The following CNTNAP2 variants were observed in gnomAD, a reference collection of about 807,000 sequenced individuals.
CNTNAP2 encodes contactin associated protein 2.
Under a neutral mutation model 155.2 loss-of-function variants are expected in CNTNAP2, and 98 were observed. The ratio of observed to expected loss-of-function variants is 0.63; its 90% confidence interval spans 0.54 to 0.75. The LOEUF is 0.75. Ranked by LOEUF, CNTNAP2 falls within the 30% of genes least tolerant of loss-of-function variation. CNTNAP2 has a pLI of 0.00. For synonymous variants in CNTNAP2, 651 were observed against 631.2 expected (o/e 1.03, Z -0.47); for missense variants, 1,727 against 1,688.1 (o/e 1.02, Z -0.40).
intron 1 of CNTNAP2, among the ~76,000 whole-genome samples, chr7:146,235,368 G>C (rs1426396613): frequency 6.6e-6 from 1 of 151,962 alleles, no homozygotes; most frequent in African/African-American, 2.4e-5. Context: ...CACGGTGGCT[G>C]TTTATTCAGA....
At chr7:147,510,946 C>A (rs1027634827) in intron 11 of CNTNAP2, among the ~76,000 whole-genome samples, 4 of 147,102 alleles carry the variant, frequency 2.7e-5, no homozygotes, top group South Asian at 4.3e-4. Flanking sequence ...TCCAACAGTT[C>A]TATGTCTATA....
At chr7:146,981,359 A>G (rs1469126490) in intron 3 of CNTNAP2, among the ~76,000 whole-genome samples, 1 of 152,230 alleles carries the variant, frequency 6.6e-6, no homozygotes, top group Admixed American at 6.5e-5. Flanking sequence ...GAAAACAAGT[A>G]CATGTGTATT....
chr7:147,207,293 A>G (rs963359196), intron 8 of CNTNAP2, among the ~76,000 whole-genome samples: 2 of 152,200 alleles, frequency 1.3e-5, no homozygotes, highest in African/African-American at 2.4e-5. Context: ...TTAAATGCCA[A>G]TACTCTTCAG....
intron 15 of CNTNAP2, among the ~76,000 whole-genome samples, chr7:148,070,211 A>G (rs1803354639): frequency 6.6e-6 from 1 of 152,252 alleles, no homozygotes; most frequent in Non-Finnish European, 1.5e-5. Flanking sequence ...AAATGTAAAT[A>G]CAACAAATAC....
In CNTNAP2 at chr7:148,135,227, T is replaced by C. The variant is rs74627485; in HGVS notation, c.2555-12264T>C. On this transcript the variant is annotated intron_variant, in intron 16 of 23. Coordinates refer to ENST00000361727, the MANE Select transcript of CNTNAP2 (RefSeq NM_014141.6). ...TGGCTGGTCGGATGTTTATCTGGGA[T>C]CTTCTGAGGTTTGTTATATTACCAT... Among the ~76,000 whole-genome samples the C allele has an allele frequency of 4.7e-4, 72 of 152,290 alleles. No homozygotes were observed. The East Asian group carries it at 8.3e-3, about 18-fold the overall frequency.
intron 13 of CNTNAP2, among the ~76,000 whole-genome samples, chr7:147,795,183 C>T (rs1176221317): frequency 6.6e-6 from 1 of 151,816 alleles, no homozygotes; most frequent in South Asian, 2.1e-4. Flanking sequence ...GTTTGCATGA[C>T]ATGTGTTTTT....
At chr7:146,158,235 T>A (rs1798159146) in intron 1 of CNTNAP2, among the ~76,000 whole-genome samples, 1 of 152,134 alleles carries the variant, frequency 6.6e-6, no homozygotes, top group African/African-American at 2.4e-5. Flanking sequence ...CCTATCTGTA[T>A]GTCACCATCA....
At chr7:147,449,364 G>C (rs79498723) in intron 10 of CNTNAP2, among the ~76,000 whole-genome samples, 2,785 of 151,918 alleles carry the variant, frequency 0.018, 98 homozygotes, top group African/African-American at 0.064. Context: ...TCTAGTGTGG[G>C]GCCTCACTAT....
intron 12 of CNTNAP2, among the ~76,000 whole-genome samples, chr7:147,608,269 G>A (rs1368835202): frequency 6.6e-6 from 1 of 150,414 alleles, no homozygotes; most frequent in Non-Finnish European, 1.5e-5. Flanking sequence ...ATACTTTTAT[G>A]TTGCTCTGTG....
chr7:147,407,239 C>T (rs1160412572), intron 10 of CNTNAP2, among the ~76,000 whole-genome samples: 3 of 151,930 alleles, frequency 2.0e-5, no homozygotes, highest in Non-Finnish European at 2.9e-5. Context: ...GAGGCCGAGG[C>T]GGGCAGATCA....
chr7:146,876,222 C>G (rs1184416705), intron 3 of CNTNAP2, among the ~76,000 whole-genome samples: 2 of 152,024 alleles, frequency 1.3e-5, no homozygotes, highest in African/African-American at 2.4e-5. Flanking sequence ...CTTGCATCAC[C>G]TGAATCTTCC....
chr7:147,650,612 G>A (rs927967663), intron 13 of CNTNAP2, among the ~76,000 whole-genome samples: 7 of 151,974 alleles, frequency 4.6e-5, no homozygotes, highest in Non-Finnish European at 7.4e-5. Flanking sequence ...TTACTTTATT[G>A]TAAGGATACA....
intron 3 of CNTNAP2, among the ~76,000 whole-genome samples, chr7:146,933,602 C>T (rs896653926): frequency 3.4e-5 from 5 of 147,684 alleles, no homozygotes; most frequent in African/African-American, 5.0e-5. Flanking sequence ...TCTAATTAAA[C>T]TAAAGAGCTT....
At chr7:146,433,544 A>G (rs984553048) in intron 1 of CNTNAP2, among the ~76,000 whole-genome samples, 2 of 152,172 alleles carry the variant, frequency 1.3e-5, no homozygotes, top group African/African-American at 4.8e-5. Flanking sequence ...ATATATATTT[A>G]AAGTTTCAGA....
chr7:146,154,126 C>T (rs1468425263), intron 1 of CNTNAP2, among the ~76,000 whole-genome samples: 1 of 151,996 alleles, frequency 6.6e-6, no homozygotes, highest in East Asian at 1.9e-4. Context: ...AAAGAGCTTA[C>T]AATCTTCCTC....
At chr7:147,201,232 G>A (rs531874664) in intron 8 of CNTNAP2, among the ~76,000 whole-genome samples, 1 of 152,182 alleles carries the variant, frequency 6.6e-6, no homozygotes, top group East Asian at 1.9e-4. Context: ...TAATTAATTT[G>A]CTTACATTCC....
chr7:147,398,688 C>G (rs887737950), intron 10 of CNTNAP2, among the ~76,000 whole-genome samples: 7 of 132,590 alleles, frequency 5.3e-5, no homozygotes, highest in African/African-American at 2.0e-4. Context: ...AAGGAAAAAG[C>G]AAGCTTGCCA....
At chr7:147,217,540 T>C (rs1803301727) in intron 8 of CNTNAP2, among the ~76,000 whole-genome samples, 1 of 152,032 alleles carries the variant, frequency 6.6e-6, no homozygotes, top group African/African-American at 2.4e-5. Flanking sequence ...TGTATATATT[T>C]GGATTCAATT....
At chr7:147,705,478 A>C (rs1348394213) in intron 13 of CNTNAP2, among the ~76,000 whole-genome samples, 2 of 152,286 alleles carry the variant, frequency 1.3e-5, no homozygotes, top group East Asian at 3.9e-4. Flanking sequence ...CATATGGTCT[A>C]TCCTGGGAAA....
Sources: gnomAD v4.1 joint callset for allele counts (sites outside exome capture counted in the v4.1 genomes callset) on GRCh38, gnomAD v4.1.1 for gene constraint, MANE v1.5 for transcripts, NCBI Gene and HGNC (gene_info 2026-07-23, HGNC 2026-07-21) for gene names.